Variants in CTNNA1 observed in about 807,000 individuals in gnomAD.
The protein encoded by CTNNA1 is catenin alpha-1.
A neutral mutation model predicts 98.4 loss-of-function variants in CTNNA1; 37 were observed. The observed-to-expected ratio is 0.38, with a 90% CI of 0.29 to 0.49. CTNNA1 has a LOEUF of 0.49. Ranked by LOEUF, CTNNA1 falls within the 20% of genes least tolerant of loss-of-function variation. The probability of loss-of-function intolerance (pLI) is 0.95; values close to 1 mark genes in which losing one functional copy is unlikely to be tolerated. For missense variants in CTNNA1, 761 were observed against 1,147.2 expected (o/e 0.66, Z 4.86); for synonymous variants, 404 against 413.2 (o/e 0.98, Z 0.27).
intron 1 of CTNNA1, among the ~76,000 whole-genome samples, chr5:138,769,038 T>C (rs1753241411): frequency 1.3e-5 from 2 of 152,100 alleles, no homozygotes; most frequent in Admixed American, 1.3e-4. Flanking sequence ...GAGGCCATTC[T>C]TTCTTGTTTT....
chr5:138,904,453 C>G lies in CTNNA1; in HGVS notation c.1389+12C>G, dbSNP rs2150140997. Reference sequence around the variant, plus strand: ...CCCTCTGTCCTCAGGTAAAGTACAACTGACACTGGTGACAGCATAACCAAA... The same window carrying G: ...CCCTCTGTCCTCAGGTAAAGTACAAGTGACACTGGTGACAGCATAACCAAA... On this transcript the variant is annotated intron_variant, in intron 10 of 17. Coordinates refer to ENST00000302763, the MANE Select transcript of CTNNA1 (RefSeq NM_001903.5). 6.2e-7 allele frequency: 1 copy of G among 1,611,376 alleles called. No homozygotes were observed. Among genetic ancestry groups the G allele is most frequent in the East Asian group, 2.2e-5 (1 of 44,846 alleles).
chr5:138,817,909 T>A (rs1362118106), intron 5 of CTNNA1, among the ~76,000 whole-genome samples: 1 of 152,098 alleles, frequency 6.6e-6, no homozygotes, highest in Non-Finnish European at 1.5e-5. Flanking sequence ...TGAGACAGAC[T>A]TTCGCTGTCA....
At chr5:138,791,691 C>T (rs144845080) in intron 3 of CTNNA1, among the ~76,000 whole-genome samples, 1 of 132,556 alleles carries the variant, frequency 7.5e-6, no homozygotes, top group East Asian at 2.5e-4. Flanking sequence ...TGTCTGCTAA[C>T]ACAATAGTTA....
At chr5:138,893,679 A>G (rs1459507306) in intron 9 of CTNNA1, among the ~76,000 whole-genome samples, 1 of 151,740 alleles carries the variant, frequency 6.6e-6, no homozygotes, top group East Asian at 1.9e-4. Flanking sequence ...GCTGGAGTGC[A>G]GTGGCGCAAT....
At chr5:138,921,474 G>T (rs1383693529) in intron 11 of CTNNA1, among the ~76,000 whole-genome samples, 1 of 152,126 alleles carries the variant, frequency 6.6e-6, no homozygotes, top group Non-Finnish European at 1.5e-5. Flanking sequence ...GGTCTGATTG[G>T]GAGGTCATTA....
chr5:138,855,159 C>T (rs1377344267), intron 7 of CTNNA1, among the ~76,000 whole-genome samples: 2 of 152,220 alleles, frequency 1.3e-5, no homozygotes, highest in East Asian at 1.9e-4. Context: ...CTGCCTCAGC[C>T]TCCCGAGTAG....
At chr5:138,859,940 TC>T (rs1351330693) in intron 7 of CTNNA1, among the ~76,000 whole-genome samples, 1 of 152,146 alleles carries the variant, frequency 6.6e-6, no homozygotes, top group Non-Finnish European at 1.5e-5. Flanking sequence ...GTCTAACCTT[TC>T]ATAAGTATAT....
At chr5:138,837,566 T>C (rs1032844449) in intron 7 of CTNNA1, among the ~76,000 whole-genome samples, 6 of 133,856 alleles carry the variant, frequency 4.5e-5, no homozygotes, top group Non-Finnish European at 9.6e-5. Flanking sequence ...TCTTCTCTTC[T>C]CTTCTCCTCT....
intron 7 of CTNNA1, among the ~76,000 whole-genome samples, chr5:138,876,986 T>C (rs944561410): frequency 6.6e-6 from 1 of 152,200 alleles, no homozygotes; most frequent in Non-Finnish European, 1.5e-5. Context: ...ACAGGGCAGG[T>C]CTGACACCTG....
At chr5:138,929,528 C>T (rs77141112) in intron 14 of CTNNA1, among the ~76,000 whole-genome samples, 172 bp downstream of exon 14, 6 of 152,244 alleles carry the variant, frequency 3.9e-5, no homozygotes, top group Admixed American at 1.3e-4. Context: ...CAAATGTAGC[C>T]TCCTCAGCTA....
chr5:138,770,901 G>A (rs1561506225), intron 1 of CTNNA1, among the ~76,000 whole-genome samples: 1 of 150,850 alleles, frequency 6.6e-6, no homozygotes, highest in Non-Finnish European at 1.5e-5. Flanking sequence ...GCAGTGAGCC[G>A]AGATTGCGCC....
intron 9 of CTNNA1, among the ~76,000 whole-genome samples, chr5:138,900,172 T>A (rs1757729366): frequency 2.6e-5 from 4 of 152,256 alleles, no homozygotes; most frequent in Admixed American, 2.0e-4. Context: ...TTTGATTTTA[T>A]TGTTATTTTT....
chr5:138,874,621 TTAAAAAAAACA>T lies in CTNNA1; in HGVS notation c.1063-11590_1063-11580del. On this transcript the variant is annotated intron_variant, in intron 7 of 17. Transcript: ENST00000302763. The surrounding 1 kb of genome is among the most constrained non-coding windows in gnomAD (Gnocchi z 4.1). ...TTTTTCAGCAGAACATATGGGCTATTTAAAAAAAACAACCACCACCAACATTATAGCAAAAG... is the reference window on the plus strand; with the variant it reads ...TTTTTCAGCAGAACATATGGGCTATTACCACCACCAACATTATAGCAAAAG... 1 of 1,056,324 alleles carries T rather than the reference TTAAAAAAAACA, an allele frequency of 9.5e-7. No homozygotes were observed. The highest frequency in any genetic ancestry group is 1.3e-6 in the Non-Finnish European group (1 of 747,054). 65.4% of individuals were successfully genotyped at this position (1,056,324 alleles called of 1,614,324 possible). A position where few individuals can be genotyped will look rare whatever the true frequency, so the allele number is the denominator to read the frequency against.
At chr5:138,878,668 T>TTCA (rs1752196320) in intron 7 of CTNNA1, among the ~76,000 whole-genome samples, 1 of 152,236 alleles carries the variant, frequency 6.6e-6, no homozygotes, top group African/African-American at 2.4e-5. Context: ...GTATTGCTGA[T>TTCA]TAGGGAGAGT....
intron 7 of CTNNA1, among the ~76,000 whole-genome samples, chr5:138,850,455 T>G (rs960971262): frequency 6.6e-6 from 1 of 152,248 alleles, no homozygotes; most frequent in Non-Finnish European, 1.5e-5. Flanking sequence ...TTGACTGTTC[T>G]GTATAATGTT....
intron 16 of CTNNA1, chr5:138,932,301 G>T: frequency 8.2e-7 from 1 of 1,220,190 alleles, no homozygotes; most frequent in Non-Finnish European, 1.0e-6. Context: ...CGTCATAGGA[G>T]GGAAGTCAGT....
In CTNNA1 at chr5:138,873,982, C is replaced by T. The variant is rs1750977251; in HGVS notation, c.1063-12230C>T. On this transcript the variant is annotated intron_variant, in intron 7 of 17. Transcript: ENST00000302763. The surrounding 1 kb of genome is among the most constrained non-coding windows in gnomAD (Gnocchi z 6.1). ...CAAATCCATTGCGAGCCAAACTTCG[C>T]AAACGATTTGTGCTCAAATCCAGAA... 1 of 1,613,900 alleles carries T rather than the reference C, an allele frequency of 6.2e-7. No homozygotes were observed. Among genetic ancestry groups the T allele is most frequent in the South Asian group, 1.1e-5 (1 of 91,088 alleles).
intron 9 of CTNNA1, among the ~76,000 whole-genome samples, chr5:138,892,999 G>C (rs558541882): frequency 6.6e-6 from 1 of 152,250 alleles, no homozygotes; most frequent in African/African-American, 2.4e-5. Context: ...CTGAGCAATA[G>C]AGATAGACTC....
chr5:138,812,402 C>T (rs137979225), intron 5 of CTNNA1, 100 bp downstream of exon 5: 17,038 of 1,293,578 alleles, frequency 0.013, 130 homozygotes, highest in Middle Eastern at 0.022. Flanking sequence ...TACTTACCTT[C>T]GCCAATATAG....
Sources: gnomAD v4.1 joint callset for allele counts (sites outside exome capture counted in the v4.1 genomes callset) on GRCh38, gnomAD v4.1.1 for gene constraint, Gnocchi (gnomAD v3.1) non-coding constraint, MANE v1.5 for transcripts, NCBI Gene and HGNC (gene_info 2026-07-23, HGNC 2026-07-21) for gene names.